Variants in CXXC5 observed in about 807,000 individuals in gnomAD.
The protein encoded by CXXC5 is CXXC-type zinc finger protein 5.
A neutral mutation model predicts 17.6 loss-of-function variants in CXXC5; 2 were observed. That is an observed-to-expected ratio of 0.11 (90% CI 0.05 to 0.36). The LOEUF is 0.36. Ranked by LOEUF, CXXC5 falls within the 10% of genes least tolerant of loss-of-function variation. The probability of loss-of-function intolerance (pLI) is 1.00; values close to 1 mark genes in which losing one functional copy is unlikely to be tolerated. For missense variants in CXXC5, 343 were observed against 458.3 expected (o/e 0.75, Z 2.30); for synonymous variants, 171 against 193.0 (o/e 0.89, Z 0.94).
intron 1 of CXXC5, among the ~76,000 whole-genome samples, chr5:139,665,090 G>A (rs980743937): frequency 1.3e-5 from 2 of 152,208 alleles, no homozygotes; most frequent in African/African-American, 4.8e-5. Context: ...AGCCAGCTTG[G>A]CCACTGACCT....
At chr5:139,671,786 A>G (rs1756485933) in intron 1 of CXXC5, among the ~76,000 whole-genome samples, 1 of 152,222 alleles carries the variant, frequency 6.6e-6, no homozygotes, top group Non-Finnish European at 1.5e-5. Flanking sequence ...GATTTCCCCA[A>G]GCCGAGAGCT....
chr5:139,675,297 C>G (rs1482792774), intron 1 of CXXC5: 1 of 152,286 alleles, frequency 6.6e-6, no homozygotes, highest in Admixed American at 6.5e-5. Flanking sequence ...TCCCCTCCTT[C>G]CCAGTGCTTT....
intron 1 of CXXC5, among the ~76,000 whole-genome samples, chr5:139,655,840 G>A (rs1326027977): frequency 1.3e-5 from 2 of 152,052 alleles, no homozygotes; most frequent in South Asian, 2.1e-4. Flanking sequence ...GGCGGCTCTG[G>A]GCCCTGGCTG....
intron 1 of CXXC5, among the ~76,000 whole-genome samples, chr5:139,667,193 C>T (rs940594710): frequency 7.9e-5 from 12 of 152,194 alleles, no homozygotes; most frequent in African/African-American, 2.9e-4. Context: ...GGGTCACACC[C>T]ACTCCCTGAG....
At chr5:139,673,420 G>GAGGCATCCC (rs1271954782) in intron 1 of CXXC5, among the ~76,000 whole-genome samples, 1 of 152,194 alleles carries the variant, frequency 6.6e-6, no homozygotes, top group Non-Finnish European at 1.5e-5. Flanking sequence ...GTCTTTATCA[G>GAGGCATCCC]AGGCATCCCA....
intron 1 of CXXC5, among the ~76,000 whole-genome samples, chr5:139,679,145 T>C (rs554878157): frequency 1.4e-4 from 21 of 152,184 alleles, no homozygotes; most frequent in Admixed American, 2.0e-4. Flanking sequence ...CAGAGGTCCC[T>C]CCTGGCAACA....
intron 1 of CXXC5, among the ~76,000 whole-genome samples, chr5:139,672,590 G>T (rs1020080620): frequency 6.6e-6 from 1 of 152,130 alleles, no homozygotes; most frequent in Non-Finnish European, 1.5e-5. Context: ...GACTGATCTC[G>T]GCCTCTGGGG....
At chr5:139,675,777 G>A (rs747993269) in intron 1 of CXXC5, among the ~76,000 whole-genome samples, 2 of 152,152 alleles carry the variant, frequency 1.3e-5, no homozygotes, top group African/African-American at 4.8e-5. Context: ...GGGGTTCTGG[G>A]GAGGCATTCA....
At chr5:139,649,850 A>T (rs1755070767) in intron 1 of CXXC5, 2 of 152,154 alleles carry the variant, frequency 1.3e-5, no homozygotes, top group South Asian at 4.1e-4. Flanking sequence ...GCTTCCCCGG[A>T]GCGGAGTGAG....
chr5:139,666,470 A>G (rs1334015144), intron 1 of CXXC5, among the ~76,000 whole-genome samples: 1 of 152,178 alleles, frequency 6.6e-6, no homozygotes, highest in Non-Finnish European at 1.5e-5. Flanking sequence ...CCTCAGCCAG[A>G]TCAAGTCCTA....
Position 139,681,015 on chromosome 5 carries a change from G to A in CXXC5, c.492G>A (p.Gln164=), listed in dbSNP as rs772377109. Reference sequence around the variant, plus strand: ...CCGAGGGACAGCTGACGCTGCAGCAGTTTGCGCAGTCCACAGAGATGCTGA... The same window carrying A: ...CCGAGGGACAGCTGACGCTGCAGCAATTTGCGCAGTCCACAGAGATGCTGA... The part of the protein sequence containing the change: ...LAAEGQLTLQ[Q]FAQSTEMLKR... The change falls in exon 2 of 3, where the codon CAG becomes CAA. Residue 164 remains glutamine (Q), a synonymous_variant. Coordinates refer to ENST00000302517, the MANE Select transcript of CXXC5 (RefSeq NM_016463.9). 3.7e-6 allele frequency: 6 copies of A among 1,606,808 alleles called. No homozygotes were observed. The South Asian group carries it at 5.5e-5, about 15-fold the overall frequency.
Position 139,661,498 on chromosome 5 carries a change from C to T in CXXC5, c.-161+12653C>T, listed in dbSNP as rs374129767. Among the ~76,000 whole-genome samples, 67 of 152,330 alleles carry T rather than the reference C, an allele frequency of 4.4e-4. No individual in the cohort carries two copies. The Middle Eastern group carries it at 0.014, about 31-fold the overall frequency. On this transcript the variant is annotated intron_variant, in intron 1 of 2. Coordinates refer to ENST00000302517, the MANE Select transcript of CXXC5 (RefSeq NM_016463.9). The surrounding 1 kb of genome is among the most constrained non-coding windows in gnomAD (Gnocchi z 4.7). Reference sequence around the variant, plus strand: ...ATGTGGTGCTCCAGAAGCACACTCACGGTTCCAGCCACAGCCCAGCCTCTG... The same window carrying T: ...ATGTGGTGCTCCAGAAGCACACTCATGGTTCCAGCCACAGCCCAGCCTCTG...
rs543631686 is a variant in CXXC5, at chr5:139,663,279, C to T, written c.-161+14434C>T. Reference sequence around the variant, plus strand: ...TCTCCCACCCCCTATGCTCACACAGCAAGGCTATATGTTAGACTTGAGCAG... The same window carrying T: ...TCTCCCACCCCCTATGCTCACACAGTAAGGCTATATGTTAGACTTGAGCAG... On this transcript the variant is annotated intron_variant, in intron 1 of 2. Transcript: ENST00000302517. The surrounding 1 kb of genome is among the most constrained non-coding windows in gnomAD (Gnocchi z 4.2). Among the ~76,000 whole-genome samples, 29 of 152,300 alleles carry T rather than the reference C, an allele frequency of 1.9e-4. No homozygotes were observed. The highest frequency in any genetic ancestry group is 1.9e-3 in the Admixed American group (29 of 15,308).
chr5:139,659,853 C>A (rs1239129947), intron 1 of CXXC5, among the ~76,000 whole-genome samples: 1 of 152,228 alleles, frequency 6.6e-6, no homozygotes, highest in African/African-American at 2.4e-5. Flanking sequence ...CACCGAGCTT[C>A]TTGGTTGGCT....
intron 1 of CXXC5, among the ~76,000 whole-genome samples, chr5:139,659,903 C>T (rs1030675331): frequency 2.0e-5 from 3 of 152,214 alleles, no homozygotes; most frequent in Admixed American, 2.0e-4. Flanking sequence ...CAAAGCCCCC[C>T]GGGAAGGCAG....
In CXXC5 at chr5:139,668,841, A is replaced by G. The variant is rs1283427983; in HGVS notation, c.-160-11523A>G. Among the ~76,000 whole-genome samples the G allele has an allele frequency of 6.6e-6, 1 of 152,186 alleles. No homozygotes were observed. Among genetic ancestry groups the G allele is most frequent in the Non-Finnish European group, 1.5e-5 (1 of 68,032 alleles). ...GGATCCAGTTCCTCTTGGCTTTGCCACAAACACAGTGACCTTATGTAGAGT... is the reference window on the plus strand; with the variant it reads ...GGATCCAGTTCCTCTTGGCTTTGCCGCAAACACAGTGACCTTATGTAGAGT... On this transcript the variant is annotated intron_variant, in intron 1 of 2. Transcript: ENST00000302517. The surrounding 1 kb of genome is among the most constrained non-coding windows in gnomAD (Gnocchi z 4.1).
intron 1 of CXXC5, among the ~76,000 whole-genome samples, chr5:139,655,745 T>G: frequency 7.1e-6 from 1 of 141,766 alleles, no homozygotes; most frequent in African/African-American, 2.6e-5. Flanking sequence ...GTCCACCCCT[T>G]CCTGCCCCCT....
intron 1 of CXXC5, among the ~76,000 whole-genome samples, chr5:139,650,129 G>A (rs1007607966): frequency 6.6e-5 from 10 of 152,214 alleles, no homozygotes; most frequent in African/African-American, 2.4e-4. Context: ...GAGTTGGGCT[G>A]GTGCCTCGGG....
chr5:139,674,758 T>C (rs1756686563), intron 1 of CXXC5, among the ~76,000 whole-genome samples: 1 of 152,246 alleles, frequency 6.6e-6, no homozygotes, highest in Admixed American at 6.5e-5. Context: ...CTCACGCCTA[T>C]AATCCCAGCA....
Sources: gnomAD v4.1 joint callset for allele counts (sites outside exome capture counted in the v4.1 genomes callset) on GRCh38, gnomAD v4.1.1 for gene constraint, Gnocchi (gnomAD v3.1) non-coding constraint, MANE v1.5 for transcripts, NCBI Gene and HGNC (gene_info 2026-07-23, HGNC 2026-07-21) for gene names.